Variants in ERBB4 observed in about 807,000 individuals in gnomAD.
ERBB4 encodes erb-b2 receptor tyrosine kinase 4.
In ERBB4, 42 loss-of-function variants were observed where a neutral mutation model predicts 158.0. The observed-to-expected ratio is 0.27, with a 90% CI of 0.21 to 0.34. ERBB4 has a LOEUF of 0.34. Among genes scored for constraint, ERBB4 ranks in the 10% least tolerant of loss-of-function variants. The pLI is 1.00. For missense variants in ERBB4, 1,333 were observed against 1,624.1 expected (o/e 0.82, Z 3.08); for synonymous variants, 583 against 558.7 (o/e 1.04, Z -0.61).
Position 211,381,788 on chromosome 2 carries a change from T to C in ERBB4, c.*1827A>G, listed in dbSNP as rs928043787. On this transcript the variant is annotated 3_prime_UTR_variant, in exon 28 of 28. Transcript: ENST00000342788. Reference sequence around the variant, plus strand: ...TTTTTACTCTAATTAATTAATCTTATACTATTGATTCTAATTTGGTCCCAA... The same window carrying C: ...TTTTTACTCTAATTAATTAATCTTACACTATTGATTCTAATTTGGTCCCAA... The C allele has an allele frequency of 4.3e-6, 1 of 230,206 alleles. No individual in the cohort carries two copies. Among genetic ancestry groups the C allele is most frequent in the East Asian group, 6.2e-5 (1 of 16,096 alleles). 14.3% of individuals were successfully genotyped at this position (230,206 alleles called of 1,614,324 possible).
intron 19 of ERBB4, among the ~76,000 whole-genome samples, chr2:211,575,747 CATACCTGT>C (rs2067870107): frequency 6.6e-6 from 1 of 152,134 alleles, no homozygotes; most frequent in Admixed American, 6.5e-5. Context: ...CTATATCAAA[CATACCTGT>C]GGTAAAGGAG....
At chr2:212,227,944 G>A (rs994514704) in intron 1 of ERBB4, among the ~76,000 whole-genome samples, 2 of 152,278 alleles carry the variant, frequency 1.3e-5, no homozygotes, top group South Asian at 4.1e-4. Context: ...TGCTGTCAGA[G>A]GCGGAGAGAA....
intron 16 of ERBB4, among the ~76,000 whole-genome samples, chr2:211,636,360 A>G (rs574950422): frequency 3.9e-5 from 6 of 152,134 alleles, no homozygotes; most frequent in African/African-American, 1.4e-4. Flanking sequence ...ACCAATTGTG[A>G]GTTTACTGCC....
intron 1 of ERBB4, among the ~76,000 whole-genome samples, chr2:212,430,036 A>G (rs2091992627): frequency 6.6e-6 from 1 of 152,342 alleles, no homozygotes; most frequent in East Asian, 1.9e-4. Flanking sequence ...AGAACCACTT[A>G]GACATTATAG....
chr2:212,372,733 A>T (rs1471347942), intron 1 of ERBB4, among the ~76,000 whole-genome samples: 1 of 152,208 alleles, frequency 6.6e-6, no homozygotes, highest in Non-Finnish European at 1.5e-5. Context: ...TGGGCGACAG[A>T]GCGAGACTCC....
intron 1 of ERBB4, among the ~76,000 whole-genome samples, chr2:212,198,462 C>T (rs764015438): frequency 3.3e-5 from 5 of 152,118 alleles, no homozygotes; most frequent in Non-Finnish European, 5.9e-5. Flanking sequence ...CAAGTGAAAT[C>T]ATATAATAAT....
At chr2:211,637,946 C>A (rs1476107422) in intron 16 of ERBB4, among the ~76,000 whole-genome samples, 2 of 151,980 alleles carry the variant, frequency 1.3e-5, no homozygotes, top group East Asian at 3.9e-4. Flanking sequence ...ACAAAATGCA[C>A]ATAAATTTAT....
chr2:212,121,926 T>G (rs183152485), intron 2 of ERBB4, among the ~76,000 whole-genome samples: 14 of 152,228 alleles, frequency 9.2e-5, no homozygotes, highest in African/African-American at 2.6e-4. Flanking sequence ...TTGATGAAAC[T>G]TTTCCTGAAT....
intron 1 of ERBB4, among the ~76,000 whole-genome samples, chr2:212,460,859 C>T (rs1181758376): frequency 6.6e-6 from 1 of 152,124 alleles, no homozygotes; most frequent in Non-Finnish European, 1.5e-5. Flanking sequence ...CAGGGAATGT[C>T]AGAGGTCTTC....
At chr2:211,759,173 T>C (rs942747896) in intron 4 of ERBB4, among the ~76,000 whole-genome samples, 1 of 152,120 alleles carries the variant, frequency 6.6e-6, no homozygotes, top group Non-Finnish European at 1.5e-5. Context: ...TTCATGAACA[T>C]ATCTCGTTGT....
chr2:212,109,898 G>A (rs563260931), intron 2 of ERBB4, among the ~76,000 whole-genome samples: 1 of 152,254 alleles, frequency 6.6e-6, no homozygotes, highest in East Asian at 1.9e-4. Flanking sequence ...GGTATGAATT[G>A]AGCTTAATTA....
chr2:212,022,481 A>G (rs1384113807), intron 2 of ERBB4, among the ~76,000 whole-genome samples: 2 of 152,124 alleles, frequency 1.3e-5, no homozygotes, highest in Non-Finnish European at 2.9e-5. Flanking sequence ...GAGCTGAACA[A>G]TGAAAACACA....
intron 19 of ERBB4, among the ~76,000 whole-genome samples, chr2:211,587,517 C>T (rs185477395): frequency 6.6e-6 from 1 of 152,210 alleles, no homozygotes; most frequent in Non-Finnish European, 1.5e-5. Flanking sequence ...AAGGAGCTAC[C>T]AGAAGCCAGA....
At chr2:212,072,325 T>G (rs1380654788) in intron 2 of ERBB4, among the ~76,000 whole-genome samples, 2 of 151,942 alleles carry the variant, frequency 1.3e-5, no homozygotes, top group African/African-American at 4.8e-5. Flanking sequence ...CTCATCCTAC[T>G]TTAGATATCA....
At chr2:211,945,630 C>G (rs2080667668) in intron 3 of ERBB4, among the ~76,000 whole-genome samples, 1 of 151,952 alleles carries the variant, frequency 6.6e-6, no homozygotes, top group Non-Finnish European at 1.5e-5. Context: ...TTGGTATGCA[C>G]AAGTTAAACA....
rs533823533 is a variant in ERBB4 at position 211,812,796 on chromosome 2, G to A, written c.422-24637C>T. ...CTGCTGCAGTCTCACAGGTCAATCT[G>A]AGACTGCTGTGCTAGCAGTGAGCAT... is the stretch of plus-strand genomic sequence containing the variant. On this transcript the variant is annotated intron_variant, in intron 3 of 27. Transcript: ENST00000342788. 1.4e-4 allele frequency among the ~76,000 whole-genome samples: 21 copies of A among 152,332 alleles called. No homozygotes were observed. The South Asian group carries it at 4.1e-3, about 30-fold the overall frequency.
Position 211,928,574 on chromosome 2 carries a change from G to A in ERBB4, c.421+18856C>T, listed in dbSNP as rs1309422759. 2.0e-5 allele frequency among the ~76,000 whole-genome samples: 3 copies of A among 152,170 alleles called. No homozygotes were observed. In the East Asian group the frequency reaches 5.8e-4, roughly 29 times the overall value. On this transcript the variant is annotated intron_variant, in intron 3 of 27. Transcript: ENST00000342788. Reference sequence around the variant, plus strand: ...GCTTTCTTCCTGGGAGGAAGAAAGAGCACGCCTTTTACCATCGGGCCTTCA... The same window carrying A: ...GCTTTCTTCCTGGGAGGAAGAAAGAACACGCCTTTTACCATCGGGCCTTCA...
intron 1 of ERBB4, among the ~76,000 whole-genome samples, chr2:212,442,717 C>G (rs1234232950): frequency 6.6e-6 from 1 of 152,140 alleles, no homozygotes; most frequent in Non-Finnish European, 1.5e-5. Context: ...GCAGAACCCC[C>G]ACACTGACTC....
intron 2 of ERBB4, among the ~76,000 whole-genome samples, chr2:211,961,333 C>T (rs2081175022): frequency 6.6e-6 from 1 of 152,090 alleles, no homozygotes; most frequent in African/African-American, 2.4e-5. Flanking sequence ...GATTTGTTAG[C>T]AGCCCTTTTT....
Sources: gnomAD v4.1 joint callset for allele counts (sites outside exome capture counted in the v4.1 genomes callset) on GRCh38, gnomAD v4.1.1 for gene constraint, MANE v1.5 for transcripts, NCBI Gene and HGNC (gene_info 2026-07-23, HGNC 2026-07-21) for gene names.